CHCHD6: variants seen among roughly 807,000 people sequenced by gnomAD.
CHCHD6 encodes MICOS complex subunit MIC25.
A neutral mutation model predicts 32.3 loss-of-function variants in CHCHD6; 28 were observed. That is an observed-to-expected ratio of 0.87 (90% confidence interval 0.64 to 1.19). The LOEUF (loss-of-function observed/expected upper bound fraction) is 1.19, where lower values mean the gene tolerates loss of function less well. Among genes scored for constraint, CHCHD6 ranks in the 50% most tolerant of loss-of-function variants. CHCHD6 has a pLI of 0.00. For synonymous variants in CHCHD6, 122 were observed against 117.5 expected (o/e 1.04, Z -0.25); for missense variants, 333 against 307.0 (o/e 1.08, Z -0.63).
intron 4 of CHCHD6, among the ~76,000 whole-genome samples, chr3:126,785,172 C>T (rs913546618): frequency 4.6e-5 from 7 of 152,008 alleles, no homozygotes; most frequent in Non-Finnish European, 8.8e-5. Flanking sequence ...GTGTGGCTGG[C>T]GGGTGGTGAC....
chr3:126,906,208 A>G (rs1266332673), intron 5 of CHCHD6, among the ~76,000 whole-genome samples: 2 of 152,184 alleles, frequency 1.3e-5, no homozygotes, highest in Non-Finnish European at 2.9e-5. Context: ...CTGAACTGCC[A>G]CTAGTGGAGA....
At chr3:126,848,056 C>T (rs574680523) in intron 4 of CHCHD6, among the ~76,000 whole-genome samples, 18 of 152,252 alleles carry the variant, frequency 1.2e-4, no homozygotes, top group South Asian at 6.2e-4. Flanking sequence ...CATAACTCAC[C>T]GCAGCCTCAA....
chr3:126,845,705 C>G (rs1941271858), intron 4 of CHCHD6, among the ~76,000 whole-genome samples: 1 of 152,092 alleles, frequency 6.6e-6, no homozygotes, highest in Admixed American at 6.5e-5. Context: ...TTCAAGTTCA[C>G]TGATTTTTGC....
intron 4 of CHCHD6, among the ~76,000 whole-genome samples, chr3:126,739,860 TATTTTCTCTCTTG>T (rs949901646): frequency 2.6e-5 from 4 of 152,258 alleles, no homozygotes; most frequent in Admixed American, 2.0e-4. Flanking sequence ...TTCTGTTGAC[TATTTTCTCTCTTG>T]ATACTGGGTC....
chr3:126,922,889 T>C (rs957362371), intron 6 of CHCHD6, among the ~76,000 whole-genome samples: 11 of 152,144 alleles, frequency 7.2e-5, no homozygotes, highest in Admixed American at 7.2e-4. Flanking sequence ...CATATGGGAA[T>C]GGAAAGTCAA....
rs555981932 is a variant in CHCHD6 at position 126,877,680 on chromosome 3, G to A, written c.495+24950G>A. Among the ~76,000 whole-genome samples, 13 of 152,314 alleles carry A rather than the reference G, an allele frequency of 8.5e-5. No individual in the cohort carries two copies. The South Asian group carries it at 2.7e-3, about 32-fold the overall frequency. ...GAAAAAAGTTAGGTTAGGTAGACCA[G>A]CTGCATCAAACTAGATTTAAACAAG... On this transcript the variant is annotated intron_variant, in intron 5 of 7. Transcript: ENST00000290913.
At chr3:126,725,226 T>C (rs1935477926) in intron 1 of CHCHD6, among the ~76,000 whole-genome samples, 1 of 152,210 alleles carries the variant, frequency 6.6e-6, no homozygotes, top group Non-Finnish European at 1.5e-5. Flanking sequence ...AAATTACTCC[T>C]TGATCCATGG....
chr3:126,731,098 T>TA (rs34596059), intron 3 of CHCHD6, among the ~76,000 whole-genome samples: 961 of 73,924 alleles, frequency 0.013, 24 homozygotes, highest in Admixed American at 0.037. Context: ...ACCCTGTCTC[T>TA]AAAAAAAAAA....
In CHCHD6 at chr3:126,860,485, T is replaced by C. The variant is rs140287690; in HGVS notation, c.495+7755T>C. Among the ~76,000 whole-genome samples the C allele has an allele frequency of 8.9e-3, 1,355 of 152,188 alleles. 10 individuals are homozygous for C. The highest frequency in any genetic ancestry group is 0.024 in the South Asian group (117 of 4,812). ...GGGGGAGGGATAGCATTAGGAGATA[T>C]ACCTAACGTAAATGATGAGTTAATG... On this transcript the variant is annotated intron_variant, in intron 5 of 7. Coordinates refer to ENST00000290913, the MANE Select transcript of CHCHD6 (RefSeq NM_032343.3).
At chr3:126,897,705 C>A (rs953147985) in intron 5 of CHCHD6, among the ~76,000 whole-genome samples, 2 of 152,222 alleles carry the variant, frequency 1.3e-5, no homozygotes, top group Non-Finnish European at 2.9e-5. Flanking sequence ...TTAATGAGAT[C>A]ACTTGCAGTG....
intron 4 of CHCHD6, among the ~76,000 whole-genome samples, chr3:126,768,999 C>T (rs1300124913): frequency 6.6e-6 from 1 of 152,200 alleles, no homozygotes; most frequent in African/African-American, 2.4e-5. Flanking sequence ...CACGTTTACT[C>T]TGTTGATAGT....
At chr3:126,718,311 T>G (rs1935119928) in intron 1 of CHCHD6, among the ~76,000 whole-genome samples, 1 of 152,254 alleles carries the variant, frequency 6.6e-6, no homozygotes. Flanking sequence ...TGTAGCACTT[T>G]GCAGTTTTCA....
intron 4 of CHCHD6, among the ~76,000 whole-genome samples, chr3:126,828,091 C>G (rs542260236): frequency 5.3e-4 from 80 of 152,246 alleles, no homozygotes; most frequent in African/African-American, 1.8e-3. Flanking sequence ...TTCGGTGCAT[C>G]CTCCTCTCCT....
chr3:126,839,171 T>C (rs899971493), intron 4 of CHCHD6, among the ~76,000 whole-genome samples: 4 of 152,204 alleles, frequency 2.6e-5, no homozygotes, highest in African/African-American at 9.6e-5. Flanking sequence ...ATTATAGACG[T>C]GAGCCACTGT....
At chr3:126,812,460 G>A (rs1184237916) in intron 4 of CHCHD6, among the ~76,000 whole-genome samples, 1 of 150,384 alleles carries the variant, frequency 6.6e-6, no homozygotes, top group South Asian at 2.1e-4. Context: ...TTCCACTCTT[G>A]TTGCCACGGC....
At chr3:126,862,645 T>A (rs1203016368) in intron 5 of CHCHD6, among the ~76,000 whole-genome samples, 18 of 93,150 alleles carry the variant, frequency 1.9e-4, no homozygotes, top group East Asian at 7.6e-4. Flanking sequence ...CTCACCCTCT[T>A]CCACCATCAC....
intron 4 of CHCHD6, among the ~76,000 whole-genome samples, chr3:126,735,523 G>C (rs1936004422): frequency 6.6e-6 from 1 of 152,182 alleles, no homozygotes; most frequent in Non-Finnish European, 1.5e-5. Flanking sequence ...GAGTGTTCCT[G>C]TTTCCTGCTG....
chr3:126,788,554 G>C (rs1938349409), intron 4 of CHCHD6, among the ~76,000 whole-genome samples: 1 of 152,126 alleles, frequency 6.6e-6, no homozygotes, highest in Admixed American at 6.6e-5. Context: ...TTAGTCTTGG[G>C]AGGGCCTATG....
At chr3:126,753,870 G>A (rs1313918792) in intron 4 of CHCHD6, among the ~76,000 whole-genome samples, 1 of 152,216 alleles carries the variant, frequency 6.6e-6, no homozygotes, top group Non-Finnish European at 1.5e-5. Context: ...ACCAGCACGT[G>A]GCCTGGAGAA....
Sources: allele counts gnomAD v4.1 joint callset (sites outside exome capture counted in the v4.1 genomes callset), GRCh38; gene constraint gnomAD v4.1.1; transcripts MANE v1.5; gene names NCBI Gene and HGNC (gene_info 2026-07-23, HGNC 2026-07-21).